The following RAD51B variants were observed in gnomAD, a reference collection of about 807,000 sequenced individuals.
RAD51B encodes RAD51 paralog B.
RAD51B carries 38 observed loss-of-function variants against 42.2 expected under a neutral mutation model. The observed-to-expected ratio is 0.90, with a 90% CI of 0.70 to 1.18. The LOEUF is 1.18. RAD51B is among the 50% of genes most tolerant of loss of function. RAD51B has a pLI of 0.00. For missense variants in RAD51B, 373 were observed against 400.7 expected (o/e 0.93, Z 0.59); for synonymous variants, 154 against 145.2 (o/e 1.06, Z -0.43).
At chr14:68,562,361 A>G in intron 10 of RAD51B, 1 of 985,414 alleles carries the variant, frequency 1.0e-6, no homozygotes, top group Non-Finnish European at 1.2e-6. Flanking sequence ...TTAAGGTGGG[A>G]ACCAAAGGCT....
chr14:68,506,328 C>T (rs983986517), intron 10 of RAD51B, among the ~76,000 whole-genome samples: 8 of 152,230 alleles, frequency 5.3e-5, no homozygotes, highest in African/African-American at 1.7e-4. Flanking sequence ...TCTCTGCTTT[C>T]CACCCTGCCA....
intron 7 of RAD51B, among the ~76,000 whole-genome samples, chr14:67,978,921 A>G (rs2075042253): frequency 1.3e-5 from 2 of 152,230 alleles, no homozygotes; most frequent in South Asian, 4.1e-4. Context: ...GAAACTGTAT[A>G]ATCAACCTCA....
intron 7 of RAD51B, among the ~76,000 whole-genome samples, chr14:67,893,104 A>G (rs1595070177): frequency 6.6e-6 from 1 of 152,168 alleles, no homozygotes; most frequent in African/African-American, 2.4e-5. Context: ...GCTAATAGAT[A>G]TGTACAAGAG....
At chr14:68,078,174 T>C (rs1456216528) in intron 7 of RAD51B, among the ~76,000 whole-genome samples, 4 of 151,730 alleles carry the variant, frequency 2.6e-5, no homozygotes, top group Non-Finnish European at 5.9e-5. Context: ...ATTGAGTCGC[T>C]AGGAAATAAA....
chr14:68,651,937 A>G (rs944509873), intron 11 of RAD51B, among the ~76,000 whole-genome samples: 1 of 152,062 alleles, frequency 6.6e-6, no homozygotes, highest in Admixed American at 6.5e-5. Flanking sequence ...GCCACCTGGC[A>G]CGCCCAGCGC....
At chr14:67,947,117 C>T (rs1273964252) in intron 7 of RAD51B, among the ~76,000 whole-genome samples, 1 of 152,132 alleles carries the variant, frequency 6.6e-6, no homozygotes, top group African/African-American at 2.4e-5. Context: ...GAACTTAACA[C>T]GTGCTTATTA....
rs530354687 is a variant in RAD51B at position 68,154,372 on chromosome 14, T to C, written c.757-137512T>C. On this transcript the variant is annotated intron_variant, in intron 7 of 10. Coordinates refer to ENST00000471583, the MANE Select transcript of RAD51B (RefSeq NM_133510.4). ...CAATGCTTCATGCATTATGAAGTTTTCCATTCTTATTCGTAAAAATAGGCA... is the reference window on the plus strand; with the variant it reads ...CAATGCTTCATGCATTATGAAGTTTCCCATTCTTATTCGTAAAAATAGGCA... 6.6e-5 allele frequency among the ~76,000 whole-genome samples: 10 copies of C among 152,336 alleles called. No individual in the cohort carries two copies. The East Asian group carries it at 1.7e-3, about 26-fold the overall frequency.
chr14:68,221,496 G>A (rs1469153267), intron 7 of RAD51B, among the ~76,000 whole-genome samples: 1 of 152,194 alleles, frequency 6.6e-6, no homozygotes, highest in East Asian at 1.9e-4. Flanking sequence ...ACATGTAGGA[G>A]AATGAAACTG....
intron 1 of RAD51B, 123 bp downstream of exon 1, chr14:67,819,976 G>C (rs558673765): frequency 7.9e-5 from 12 of 152,120 alleles, no homozygotes; most frequent in Non-Finnish European, 1.3e-4. Flanking sequence ...CTTGGGTGCT[G>C]GTCACGCCCC....
intron 7 of RAD51B, among the ~76,000 whole-genome samples, chr14:67,916,970 G>A (rs1325619436): frequency 6.6e-6 from 1 of 152,162 alleles, no homozygotes; most frequent in East Asian, 1.9e-4. Flanking sequence ...AGCAGGGTAA[G>A]GGAGATACTG....
chr14:67,844,337 G>A (rs1294369951), intron 4 of RAD51B, among the ~76,000 whole-genome samples: 1 of 151,622 alleles, frequency 6.6e-6, no homozygotes, highest in Non-Finnish European at 1.5e-5. Flanking sequence ...GCTGTTTTTG[G>A]GTGGGGAGTT....
chr14:68,123,294 C>T (rs2077690246), intron 7 of RAD51B, among the ~76,000 whole-genome samples: 1 of 150,314 alleles, frequency 6.7e-6, no homozygotes, highest in Non-Finnish European at 1.5e-5. Flanking sequence ...CTCACATGAT[C>T]CTCCCACCTC....
At chr14:68,660,320 G>A (rs991049100) in intron 11 of RAD51B, among the ~76,000 whole-genome samples, 4 of 152,220 alleles carry the variant, frequency 2.6e-5, no homozygotes, top group East Asian at 3.8e-4. Context: ...TTTGTGAATC[G>A]TGGATTTGAG....
intron 4 of RAD51B, among the ~76,000 whole-genome samples, chr14:67,838,796 T>C (rs534443836): frequency 7.7e-6 from 1 of 129,074 alleles, no homozygotes; most frequent in Non-Finnish European, 1.7e-5. Flanking sequence ...TATTTCTAGA[T>C]AAAAAAGTAA....
In RAD51B at chr14:68,043,571, T is replaced by C. The variant is rs138836329; in HGVS notation, c.756+156367T>C. On this transcript the variant is annotated intron_variant, in intron 7 of 10. Coordinates refer to ENST00000471583, the MANE Select transcript of RAD51B (RefSeq NM_133510.4). The stretch of plus-strand genomic sequence containing the variant: ...AGATTTGGAACTTGGAATCTTGAAC[T>C]AAGTAGTAGTTTCCAAATGTGTCTG... 4.9e-3 allele frequency among the ~76,000 whole-genome samples: 741 copies of C among 152,320 alleles called. 2 individuals are homozygous for C. Among genetic ancestry groups the C allele is most frequent in the Admixed American group, 9.2e-3 (141 of 15,302 alleles).
rs1396928837 is a variant in RAD51B, at chr14:68,562,783, C to G, written c.1037-31702C>G. ...TATCTAAAAGATGCCATGCTAGATA[C>G]CCATCCAGGGTATGGTACAGACATC... On this transcript the variant is annotated intron_variant, in intron 10 of 10. Coordinates refer to the RAD51B transcript ENST00000487270. 3.0e-6 allele frequency: 3 copies of G among 985,246 alleles called. No individual in the cohort carries two copies. In the East Asian group the frequency reaches 3.4e-4, roughly 112 times the overall value. 61.0% of individuals were successfully genotyped at this position (985,246 alleles called of 1,614,324 possible). A position where few individuals can be genotyped will look rare whatever the true frequency, so the allele number is the denominator to read the frequency against.
chr14:67,924,202 T>A (rs1335568054), intron 7 of RAD51B, among the ~76,000 whole-genome samples: 1 of 152,244 alleles, frequency 6.6e-6, no homozygotes, highest in Non-Finnish European at 1.5e-5. Context: ...GCTGATTATT[T>A]CTTTTGCTGT....
chr14:68,376,888 G>C (rs2025009), intron 8 of RAD51B, among the ~76,000 whole-genome samples: 85,601 of 151,966 alleles, frequency 0.56, 24,810 homozygotes, highest in Admixed American at 0.65. Flanking sequence ...AGACATAACT[G>C]AAGGGTCATA....
At chr14:68,582,407 C>T (rs1401736519) in intron 10 of RAD51B, among the ~76,000 whole-genome samples, 5 of 152,226 alleles carry the variant, frequency 3.3e-5, no homozygotes, top group South Asian at 4.1e-4. Flanking sequence ...TGGAAAAAAG[C>T]TCATCATCAC....
Sources: gnomAD v4.1 joint callset for allele counts (sites outside exome capture counted in the v4.1 genomes callset) on GRCh38, gnomAD v4.1.1 for gene constraint, MANE v1.5 for transcripts, NCBI Gene and HGNC (gene_info 2026-07-23, HGNC 2026-07-21) for gene names.